The following CNTN5 variants were observed in gnomAD, a reference collection of about 807,000 sequenced individuals.
CNTN5 encodes contactin 5, also known as contactin-5.
CNTN5 carries 77 observed loss-of-function variants against 129.1 expected under a neutral mutation model. The observed-to-expected ratio is 0.60, with a 90% CI of 0.50 to 0.72. The LOEUF is 0.72. Ranked by LOEUF, CNTN5 falls within the 30% of genes least tolerant of loss-of-function variation. The pLI, the probability that CNTN5 is intolerant of heterozygous loss-of-function variation, is 0.00. For missense variants in CNTN5, 1,478 were observed against 1,328.8 expected (o/e 1.11, Z -1.75); for synonymous variants, 509 against 465.6 (o/e 1.09, Z -1.20).
At chr11:99,395,160 A>G (rs1941456462) in intron 2 of CNTN5, among the ~76,000 whole-genome samples, 1 of 151,932 alleles carries the variant, frequency 6.6e-6, no homozygotes. Context: ...TCCCACTAAC[A>G]GTGTATAAGC....
intron 3 of CNTN5, among the ~76,000 whole-genome samples, chr11:99,767,077 G>C (rs1436496698): frequency 6.6e-6 from 1 of 151,940 alleles, no homozygotes; most frequent in Non-Finnish European, 1.5e-5. Flanking sequence ...TTTCACAAAG[G>C]TTTTATCTGT....
chr11:99,867,375 G>C (rs1207938137), intron 6 of CNTN5, among the ~76,000 whole-genome samples: 3 of 152,196 alleles, frequency 2.0e-5, no homozygotes, highest in East Asian at 1.9e-4. Flanking sequence ...TGTTGTGACA[G>C]ATTATCACAA....
At chr11:99,244,154 A>G (rs1446898943) in intron 1 of CNTN5, among the ~76,000 whole-genome samples, 1 of 151,990 alleles carries the variant, frequency 6.6e-6, no homozygotes, top group Non-Finnish European at 1.5e-5. Context: ...GCAGTGTTTT[A>G]TAGTACTCGT....
intron 2 of CNTN5, among the ~76,000 whole-genome samples, chr11:99,439,736 A>C (rs1361843110): frequency 6.6e-6 from 1 of 151,584 alleles, no homozygotes; most frequent in Middle Eastern, 3.2e-3. Context: ...GAAAAAGAAA[A>C]AAAGAAATAT....
chr11:99,613,071 T>C (rs2047165), intron 3 of CNTN5, among the ~76,000 whole-genome samples: 50,985 of 151,934 alleles, frequency 0.34, 9,278 homozygotes, highest in East Asian at 0.69. Flanking sequence ...TCAAGGTCTT[T>C]AGTCCACAAC....
chr11:99,229,527 A>AC (rs1395469766), intron 1 of CNTN5, among the ~76,000 whole-genome samples: 1 of 53,496 alleles, frequency 1.9e-5, no homozygotes, highest in Non-Finnish European at 3.6e-5. Flanking sequence ...ACAATTTTAG[A>AC]CAAAAAAAAA....
intron 21 of CNTN5, among the ~76,000 whole-genome samples, chr11:100,310,792 G>A (rs1013213409): frequency 6.6e-6 from 1 of 151,880 alleles, no homozygotes; most frequent in East Asian, 1.9e-4. Context: ...ATGAGAGACG[G>A]CAGAGAGAAC....
At chr11:100,286,951 T>A (rs1950809501) in intron 18 of CNTN5, among the ~76,000 whole-genome samples, 1 of 151,928 alleles carries the variant, frequency 6.6e-6, no homozygotes, top group South Asian at 2.1e-4. Flanking sequence ...GAGAACTACG[T>A]GAAGAATGCA....
chr11:100,306,504 C>T (rs1263642953), intron 20 of CNTN5, among the ~76,000 whole-genome samples: 1 of 151,680 alleles, frequency 6.6e-6, no homozygotes, highest in Non-Finnish European at 1.5e-5. Context: ...GCACACAAAT[C>T]TCTGTAATGC....
intron 1 of CNTN5, among the ~76,000 whole-genome samples, chr11:99,027,973 A>G (rs1863175797): frequency 6.6e-6 from 1 of 151,810 alleles, no homozygotes; most frequent in Non-Finnish European, 1.5e-5. Context: ...CCCAGTTTGC[A>G]AATAAAATAA....
chr11:99,723,318 C>G (rs1439915222), intron 3 of CNTN5, among the ~76,000 whole-genome samples: 1 of 152,128 alleles, frequency 6.6e-6, no homozygotes, highest in Non-Finnish European at 1.5e-5. Flanking sequence ...TTAGACCATG[C>G]TGCCTGGTCT....
intron 3 of CNTN5, among the ~76,000 whole-genome samples, chr11:99,710,547 TTGTGTGTGTGTGTGTGTGCATG>T (rs1954933428): frequency 1.4e-5 from 2 of 146,010 alleles, no homozygotes; most frequent in African/African-American, 5.1e-5. Context: ...CTGCTCTAGA[TTGTGTGTGTGTGTGTGTGCATG>T]TGTGTGTGTG....
At chr11:99,560,803 G>T (rs554470470) in intron 3 of CNTN5, among the ~76,000 whole-genome samples, 1 of 152,112 alleles carries the variant, frequency 6.6e-6, no homozygotes, top group East Asian at 1.9e-4. Flanking sequence ...GATGGTGGAG[G>T]CCAGGTTTCT....
chr11:100,342,996 G>T (rs947396256), intron 23 of CNTN5, among the ~76,000 whole-genome samples: 1 of 152,090 alleles, frequency 6.6e-6, no homozygotes, highest in Non-Finnish European at 1.5e-5. Context: ...ATTTTCTAAA[G>T]AATAATTTGT....
intron 13 of CNTN5, among the ~76,000 whole-genome samples, chr11:100,131,108 C>T (rs918029662): frequency 1.5e-4 from 21 of 137,710 alleles, no homozygotes; most frequent in African/African-American, 5.5e-4. Flanking sequence ...AAATTAAGCA[C>T]GGGAGTTATC....
intron 3 of CNTN5, among the ~76,000 whole-genome samples, chr11:99,798,211 T>A (rs1034602563): frequency 2.6e-5 from 4 of 151,808 alleles, no homozygotes; most frequent in African/African-American, 9.7e-5. Flanking sequence ...GATGCGGCAT[T>A]TGGTTTTCTG....
chr11:100,134,023 A>G (rs1031954349), intron 13 of CNTN5, among the ~76,000 whole-genome samples: 3 of 152,172 alleles, frequency 2.0e-5, no homozygotes, highest in African/African-American at 7.2e-5. Flanking sequence ...GCCAGGATAG[A>G]AATCAGAAAA....
chr11:99,520,456 A>G (rs563382781), intron 2 of CNTN5, among the ~76,000 whole-genome samples: 7 of 152,234 alleles, frequency 4.6e-5, no homozygotes, highest in African/African-American at 1.7e-4. Context: ...TAAGAAAAAC[A>G]ATGTAGGGAG....
chr11:99,843,487 A>G (rs1420637427), intron 4 of CNTN5, among the ~76,000 whole-genome samples: 1 of 152,092 alleles, frequency 6.6e-6, no homozygotes, highest in Non-Finnish European at 1.5e-5. Flanking sequence ...ATTTATTTTT[A>G]TACTTTTTTT....
Sources: gnomAD v4.1 joint callset for allele counts (sites outside exome capture counted in the v4.1 genomes callset) on GRCh38, gnomAD v4.1.1 for gene constraint, MANE v1.5 for transcripts, NCBI Gene and HGNC (gene_info 2026-07-23, HGNC 2026-07-21) for gene names.